TRIM23: variants seen among roughly 807,000 people sequenced by gnomAD.
TRIM23 encodes E3 ubiquitin-protein ligase TRIM23.
Under a neutral mutation model 71.0 loss-of-function variants are expected in TRIM23, and 27 were observed. The ratio of observed to expected loss-of-function variants is 0.38; its 90% CI spans 0.28 to 0.52. The LOEUF is 0.52. Ranked by LOEUF, TRIM23 falls within the 20% of genes least tolerant of loss-of-function variation. The pLI is 0.84. For synonymous variants in TRIM23, 234 were observed against 238.0 expected (o/e 0.98, Z 0.16); for missense variants, 482 against 692.3 (o/e 0.70, Z 3.41).
intron 7 of TRIM23, among the ~76,000 whole-genome samples, chr5:65,602,477 A>C (rs1009632505): frequency 6.6e-6 from 1 of 152,036 alleles, no homozygotes; most frequent in African/African-American, 2.4e-5. Flanking sequence ...ACTTTCTCAC[A>C]CTTTCCTGTC....
intron 1 of TRIM23, 81 bp downstream of exon 1, chr5:65,624,113 G>A: frequency 1.9e-6 from 3 of 1,570,450 alleles, no homozygotes; most frequent in Non-Finnish European, 2.6e-6. Flanking sequence ...TCGAAGCCTG[G>A]GCCGCGGCGA....
At chr5:65,593,694 C>A (rs1261218515) in intron 10 of TRIM23, among the ~76,000 whole-genome samples, 1 of 152,190 alleles carries the variant, frequency 6.6e-6, no homozygotes. Flanking sequence ...CCTAGAAAGG[C>A]TCAAGGTCTA....
intron 7 of TRIM23, among the ~76,000 whole-genome samples, chr5:65,602,792 C>A (rs766053113): frequency 6.6e-6 from 1 of 152,096 alleles, no homozygotes; most frequent in Non-Finnish European, 1.5e-5. Flanking sequence ...CCCTAATAAG[C>A]CCATTAGCTC....
At chr5:65,619,627 T>A (rs747276533) in intron 1 of TRIM23, among the ~76,000 whole-genome samples, 1 of 152,220 alleles carries the variant, frequency 6.6e-6, no homozygotes, top group African/African-American at 2.4e-5. Flanking sequence ...TTGCTTTGCA[T>A]CTTATCATGG....
chr5:65,591,696 A>G lies in TRIM23; in HGVS notation c.*73T>C, dbSNP rs1445053636. ...CCTAAATTACCATCTTTTGAGATGT[A>G]TAATTTCTTAAAACATACTATGTGC... On this transcript the variant is annotated 3_prime_UTR_variant, in exon 11 of 11. Coordinates refer to ENST00000231524, the MANE Select transcript of TRIM23 (RefSeq NM_001656.4). 9 of 1,426,752 alleles carry G rather than the reference A, an allele frequency of 6.3e-6. No individual in the cohort carries two copies. Among genetic ancestry groups the G allele is most frequent in the Middle Eastern group, 1.8e-4 (1 of 5,414 alleles). 88.4% of individuals were successfully genotyped at this position (1,426,752 alleles called of 1,614,324 possible). A position where few individuals can be genotyped will look rare whatever the true frequency, so the allele number is the denominator to read the frequency against.
Position 65,605,006 on chromosome 5 carries a change from T to G in TRIM23, c.1084A>C (p.Arg362=). ...TGTTTCTGCAATGTTTCCAGTAACC[T>G]TGTAATTTCCTGTTTTGCCAAGACA... ...RVVLAKQEIT[R]LLETLQKQQQ... The change falls in exon 7 of 11, where the codon AGG becomes CGG. Residue 362 remains arginine (R), a synonymous_variant. Transcript: ENST00000231524. 6.2e-7 allele frequency: 1 copy of G among 1,613,900 alleles called. No homozygotes were observed. Among genetic ancestry groups the G allele is most frequent in the South Asian group, 1.1e-5 (1 of 91,062 alleles).
intron 7 of TRIM23, among the ~76,000 whole-genome samples, chr5:65,600,991 C>T (rs1277535434): frequency 6.6e-6 from 1 of 152,148 alleles, no homozygotes; most frequent in East Asian, 1.9e-4. Flanking sequence ...CAGAAAATAA[C>T]AAGTGTTGGT....
intron 2 of TRIM23, among the ~76,000 whole-genome samples, chr5:65,614,955 T>C (rs76142370): frequency 0.014 from 2,160 of 152,198 alleles, 39 homozygotes; most frequent in African/African-American, 0.049. Flanking sequence ...TGGTGTGCAG[T>C]AGCGTGATCT....
Position 65,591,594 on chromosome 5 carries a change from G to A in TRIM23, c.*175C>T. On this transcript the variant is annotated 3_prime_UTR_variant, in exon 11 of 11. Transcript: ENST00000231524. ...TCTGCTCAATTAGAAATTTAATTCT[G>A]CCACAAAATTTTTTTAAAGCAAAGT... 1 of 1,269,120 alleles carries A rather than the reference G, an allele frequency of 7.9e-7. No homozygotes were observed. Among genetic ancestry groups the A allele is most frequent in the Non-Finnish European group, 1.0e-6 (1 of 980,834 alleles). The allele number at this position is 1,269,120 out of a possible 1,614,324, so 78.6% of individuals were successfully genotyped here.
chr5:65,617,904 T>C (rs951484500), intron 2 of TRIM23, among the ~76,000 whole-genome samples, 189 bp downstream of exon 2: 1 of 152,166 alleles, frequency 6.6e-6, no homozygotes, highest in South Asian at 2.1e-4. Context: ...GAAGATAAAA[T>C]AAAATTAGTA....
intron 2 of TRIM23, among the ~76,000 whole-genome samples, chr5:65,616,336 G>GT (rs1561751353): frequency 1.3e-5 from 2 of 152,124 alleles, no homozygotes; most frequent in African/African-American, 4.8e-5. Context: ...ATGTAGAGAA[G>GT]GTAAAGTGCT....
chr5:65,591,699 A>G lies in TRIM23; in HGVS notation c.*70T>C. On this transcript the variant is annotated 3_prime_UTR_variant, in exon 11 of 11. Transcript: ENST00000231524. The stretch of plus-strand genomic sequence containing the variant: ...AAATTACCATCTTTTGAGATGTATA[A>G]TTTCTTAAAACATACTATGTGCAAA... 7.0e-7 allele frequency: 1 copy of G among 1,432,126 alleles called. No homozygotes were observed. 88.7% of individuals were successfully genotyped at this position (1,432,126 alleles called of 1,614,324 possible). A position where few individuals can be genotyped will look rare whatever the true frequency, so the allele number is the denominator to read the frequency against.
At chr5:65,594,755 A>T in intron 9 of TRIM23, 110 bp from the exon 10 acceptor site, 2 of 1,054,310 alleles carry the variant, frequency 1.9e-6, no homozygotes, top group Non-Finnish European at 2.5e-6. Context: ...TTTGTCTACC[A>T]TCATTATTTT....
intron 1 of TRIM23, 25 bp from the exon 2 acceptor site, chr5:65,618,280 G>A (rs1026263821): frequency 3.2e-6 from 5 of 1,585,012 alleles, no homozygotes. Flanking sequence ...GGAAGGATGT[G>A]CTCTTTAAAC....
intron 2 of TRIM23, among the ~76,000 whole-genome samples, chr5:65,617,517 T>C (rs17830075): frequency 0.074 from 11,286 of 152,242 alleles, 425 homozygotes; most frequent in East Asian, 0.097. Flanking sequence ...ATGCTATTAT[T>C]TCCAAATCTG....
chr5:65,611,070 A>T (rs748905134), intron 4 of TRIM23, 27 bp from the exon 5 acceptor site: 1 of 1,574,582 alleles, frequency 6.4e-7, no homozygotes, highest in Non-Finnish European at 8.6e-7. Context: ...AATTAGAGAA[A>T]AGAACTCATA....
chr5:65,605,189 C>T, intron 6 of TRIM23, 144 bp from the exon 7 acceptor site: 1 of 737,158 alleles, frequency 1.4e-6, no homozygotes, highest in Non-Finnish European at 2.1e-6. Flanking sequence ...AATAATTGAG[C>T]ATTAATAAAT....
intron 10 of TRIM23, among the ~76,000 whole-genome samples, chr5:65,592,737 C>T (rs978787469): frequency 6.6e-5 from 10 of 152,138 alleles, no homozygotes; most frequent in African/African-American, 2.4e-4. Context: ...CAAACAGGAA[C>T]ATAGTTTAGA....
chr5:65,604,292 T>C (rs1754438449), intron 7 of TRIM23, among the ~76,000 whole-genome samples: 1 of 152,046 alleles, frequency 6.6e-6, no homozygotes, highest in Non-Finnish European at 1.5e-5. Flanking sequence ...ATGGGGTTTC[T>C]CCATGTTGGT....
Sources: allele counts gnomAD v4.1 joint callset (sites outside exome capture counted in the v4.1 genomes callset), GRCh38; gene constraint gnomAD v4.1.1; transcripts MANE v1.5; gene names NCBI Gene and HGNC (gene_info 2026-07-23, HGNC 2026-07-21).